VPS13D: variants seen among roughly 807,000 people sequenced by gnomAD.
VPS13D encodes the protein vacuolar protein sorting 13 homolog D.
A neutral mutation model predicts 461.9 loss-of-function variants in VPS13D; 187 were observed. The ratio of observed to expected loss-of-function variants is 0.40; its 90% CI spans 0.36 to 0.46. The LOEUF (loss-of-function observed/expected upper bound fraction) is 0.46. Ranked by LOEUF, VPS13D falls within the 20% of genes least tolerant of loss-of-function variation. VPS13D has a pLI of 0.60. For synonymous variants in VPS13D, 1,951 were observed against 1,986.3 expected (o/e 0.98, Z 0.47); for missense variants, 4,711 against 5,364.9 (o/e 0.88, Z 3.81).
chr1:12,331,277 G>A (rs1643325602), intron 37 of VPS13D, among the ~76,000 whole-genome samples: 1 of 152,162 alleles, frequency 6.6e-6, no homozygotes, highest in South Asian at 2.1e-4. Flanking sequence ...CCGACGGCCT[G>A]CTCCCTTTAA....
intron 50 of VPS13D, among the ~76,000 whole-genome samples, chr1:12,358,983 A>G (rs1643912600): frequency 6.6e-6 from 1 of 152,222 alleles, no homozygotes; most frequent in Admixed American, 6.5e-5. Context: ...GGTAAGAAGC[A>G]TTGTTCTCCT....
intron 65 of VPS13D, among the ~76,000 whole-genome samples, chr1:12,423,669 A>C (rs1644889596): frequency 6.6e-6 from 1 of 152,206 alleles, no homozygotes; most frequent in African/African-American, 2.4e-5. Context: ...CCAGGACACC[A>C]GATTTGGTGC....
chr1:12,424,822 T>C (rs561111381), intron 65 of VPS13D, among the ~76,000 whole-genome samples: 2 of 152,310 alleles, frequency 1.3e-5, no homozygotes, highest in South Asian at 4.2e-4. Flanking sequence ...TGAGAGGAAT[T>C]AACTTGATCT....
intron 22 of VPS13D, among the ~76,000 whole-genome samples, chr1:12,289,590 G>A (rs1233598025): frequency 2.0e-5 from 3 of 148,736 alleles, no homozygotes; most frequent in Admixed American, 1.3e-4. Context: ...TTCTTACAGC[G>A]TATTCCTGTT....
chr1:12,273,854 G>GT (rs1641528677), intron 18 of VPS13D, among the ~76,000 whole-genome samples: 1 of 152,038 alleles, frequency 6.6e-6, no homozygotes. Context: ...TATTGCTGCT[G>GT]TGAGCATTCA....
chr1:12,417,927 G>A (rs979710153), intron 65 of VPS13D, among the ~76,000 whole-genome samples: 6 of 151,654 alleles, frequency 4.0e-5, no homozygotes, highest in African/African-American at 1.2e-4. Flanking sequence ...TCTTTTTCGC[G>A]ACAGAGTCTT....
intron 67 of VPS13D, among the ~76,000 whole-genome samples, chr1:12,496,288 G>A (rs965720500): frequency 6.6e-6 from 1 of 152,170 alleles, no homozygotes; most frequent in Non-Finnish European, 1.5e-5. Flanking sequence ...CAAGGTATGG[G>A]GCTGTCCTTC....
In VPS13D at chr1:12,256,492, A is replaced by G; in HGVS notation, c.829A>G (p.Lys277Glu). The change falls in exon 8 of 70, where the codon AAA becomes GAA. Residue 277 changes from lysine (K) to glutamate (E), a missense_variant. By Grantham distance (56) the Lys-to-Glu change is moderately conservative. Transcript: ENST00000620676. ...CDIQLETIPL[K>E]LSQLQYRQIM... ...TATTCAGCTGGAGACCATTCCCTTG[A>G]AACTCTCTCAGGTATGCCCTTTCTT... 6.2e-7 allele frequency: 1 copy of G among 1,613,988 alleles called. No homozygotes were observed. Among genetic ancestry groups the G allele is most frequent in the Non-Finnish European group, 8.5e-7 (1 of 1,179,952 alleles).
intron 21 of VPS13D, among the ~76,000 whole-genome samples, chr1:12,286,184 TCTC>T (rs1487473345): frequency 1.3e-5 from 2 of 152,138 alleles, no homozygotes; most frequent in African/African-American, 4.8e-5. Flanking sequence ...TTCGAGCTAT[TCTC>T]CTGCCTCAGT....
intron 67 of VPS13D, among the ~76,000 whole-genome samples, chr1:12,496,045 A>G (rs1240275069): frequency 6.6e-6 from 1 of 152,168 alleles, no homozygotes; most frequent in East Asian, 1.9e-4. Flanking sequence ...CTGAGTAGCC[A>G]ACTGTAAGCC....
rs970078602 is a variant in VPS13D, at chr1:12,346,218, C to G, written c.9022-387C>G. On this transcript the variant is annotated intron_variant, in intron 43 of 69. Coordinates refer to ENST00000620676, the MANE Select transcript of VPS13D (RefSeq NM_015378.4). The stretch of plus-strand genomic sequence containing the variant: ...TCATGAAAAATATTCTTAGAAAACA[C>G]TGTTGCACAACTGTCCATTTTTACT... Among the ~76,000 whole-genome samples, 5 of 152,206 alleles carry G rather than the reference C, an allele frequency of 3.3e-5. 1 individual carries two copies. The highest frequency in any genetic ancestry group is 1.2e-4 in the African/African-American group (5 of 41,446).
rs755302430 is a variant in VPS13D, at chr1:12,362,775, TG to T, written c.10198del (p.Ala3400ProfsTer6). ...RYIDTCMVIF[A>X]PRYLLDNKSS... ...ACATTGATACCTGCATGGTCATCTT[TG>T]CCCCCCGTTACCTGTTAGATAATAA... is the stretch of plus-strand genomic sequence containing the variant. On this transcript the variant is annotated frameshift_variant, in exon 51 of 70. Transcript: ENST00000620676. LOFTEE classifies it high-confidence loss of function. The T allele has an allele frequency of 6.2e-7, 1 of 1,614,236 alleles. No individual in the cohort carries two copies. Among genetic ancestry groups the T allele is most frequent in the Non-Finnish European group, 8.5e-7 (1 of 1,180,034 alleles).
At chr1:12,239,709 C>T (rs1356716750) in intron 2 of VPS13D, among the ~76,000 whole-genome samples, 1 of 152,176 alleles carries the variant, frequency 6.6e-6, no homozygotes, top group African/African-American at 2.4e-5. Context: ...TAACCTGGAG[C>T]AGCGGGAAGA....
At chr1:12,395,996 G>GAGATATATAT (rs1300735333) in intron 60 of VPS13D, among the ~76,000 whole-genome samples, 10 of 73,806 alleles carry the variant, frequency 1.4e-4, no homozygotes, top group Non-Finnish European at 2.1e-4. Context: ...ACTAATAGGA[G>GAGATATATAT]ATATATATAT....
intron 67 of VPS13D, among the ~76,000 whole-genome samples, chr1:12,471,910 T>A (rs1645567507): frequency 6.6e-6 from 1 of 152,076 alleles, no homozygotes; most frequent in South Asian, 2.1e-4. Context: ...AACTCGTTTT[T>A]CTTTAAAAAA....
chr1:12,292,750 T>C lies in VPS13D; in HGVS notation c.5853-774T>C, dbSNP rs551336609. Among the ~76,000 whole-genome samples, 10 of 152,206 alleles carry C rather than the reference T, an allele frequency of 6.6e-5. No individual in the cohort carries two copies. In the South Asian group the frequency reaches 2.1e-3, roughly 32 times the overall value. Reference sequence around the variant, plus strand: ...CACCGTGCCTGGCCAGTGTGTGTGTTTTTTTTAAAATGCTGATGTTCAACC... The same window carrying C: ...CACCGTGCCTGGCCAGTGTGTGTGTCTTTTTTAAAATGCTGATGTTCAACC... On this transcript the variant is annotated intron_variant, in intron 23 of 69. Coordinates refer to ENST00000620676, the MANE Select transcript of VPS13D (RefSeq NM_015378.4).
chr1:12,508,070 G>T (rs927710197), intron 69 of VPS13D, among the ~76,000 whole-genome samples: 9 of 152,212 alleles, frequency 5.9e-5, no homozygotes, highest in African/African-American at 2.2e-4. Context: ...CTTGTGTAAG[G>T]CTCCCGTGGG....
intron 61 of VPS13D, among the ~76,000 whole-genome samples, chr1:12,400,960 G>GCACACACACACACA (rs1348890891): frequency 6.3e-4 from 83 of 131,000 alleles, no homozygotes; most frequent in Non-Finnish European, 3.7e-4. Context: ...ACCTGCGCGC[G>GCACACACACACACA]CGCACACACA....
chr1:12,404,054 G>GTT, intron 63 of VPS13D, 81 bp downstream of exon 63: 1 of 1,284,956 alleles, frequency 7.8e-7, no homozygotes, highest in Non-Finnish European at 1.0e-6. Context: ...GTTGTTTGTT[G>GTT]TTGTGTGTGT....
Sources: gnomAD v4.1 joint callset for allele counts (sites outside exome capture counted in the v4.1 genomes callset) on GRCh38, gnomAD v4.1.1 for gene constraint, MANE v1.5 for transcripts, NCBI Gene and HGNC (gene_info 2026-07-23, HGNC 2026-07-21) for gene names.